The following TUSC3 variants were observed in gnomAD, a reference collection of about 807,000 sequenced individuals.
TUSC3 encodes the protein tumor suppressor candidate 3.
Under a neutral mutation model 44.8 loss-of-function variants are expected in TUSC3, and 45 were observed. That is an observed-to-expected ratio of 1.00 (90% CI 0.79 to 1.29). The LOEUF (loss-of-function observed/expected upper bound fraction) is 1.29, where lower values mean the gene tolerates loss of function less well. Ranked by LOEUF, TUSC3 falls within the 50% of genes most tolerant of loss-of-function variation. The probability of loss-of-function intolerance (pLI) is 0.00; values close to 1 mark genes in which losing one functional copy is unlikely to be tolerated. For synonymous variants in TUSC3, 212 were observed against 152.9 expected (o/e 1.39, Z -2.85); for missense variants, 519 against 437.9 (o/e 1.19, Z -1.65).
intron 1 of TUSC3, among the ~76,000 whole-genome samples, chr8:15,439,223 G>T (rs189125153): frequency 6.6e-6 from 1 of 152,180 alleles, no homozygotes; most frequent in Non-Finnish European, 1.5e-5. Flanking sequence ...GAAACCCAGT[G>T]ATGCAGTCCA....
intron 7 of TUSC3, among the ~76,000 whole-genome samples, chr8:15,736,464 C>G (rs1334097440): frequency 6.6e-6 from 1 of 152,046 alleles, no homozygotes; most frequent in East Asian, 1.9e-4. Context: ...AGAATTTGAA[C>G]TGTGGTATCA....
At chr8:15,507,476 G>A (rs1801072399) in intron 2 of TUSC3, among the ~76,000 whole-genome samples, 2 of 151,992 alleles carry the variant, frequency 1.3e-5, no homozygotes, top group Admixed American at 6.5e-5. Flanking sequence ...ACATGGAAAA[G>A]CATCTTTTTT....
At chr8:15,816,171 G>C in the TUSC3 span, among the ~76,000 whole-genome samples, 1 of 152,130 alleles carries the variant, frequency 6.6e-6, no homozygotes, top group African/African-American at 2.4e-5. Flanking sequence ...GCTTCTATAA[G>C]GCTCTGTCTT....
At chr8:15,693,441 C>CTT (rs35915071) in intron 6 of TUSC3, among the ~76,000 whole-genome samples, 24,913 of 96,840 alleles carry the variant, frequency 0.26, 3,662 homozygotes, top group Non-Finnish European at 0.31. Context: ...GTTGGAAGTT[C>CTT]TTTTTTTTTT....
intron 1 of TUSC3, among the ~76,000 whole-genome samples, chr8:15,440,376 T>A (rs559840282): frequency 1.3e-5 from 2 of 152,230 alleles, no homozygotes; most frequent in Admixed American, 6.5e-5. Flanking sequence ...AAACCCAGAA[T>A]GATTAGACAG....
intron 1 of TUSC3, among the ~76,000 whole-genome samples, chr8:15,618,295 T>G (rs1585158709): frequency 6.6e-6 from 1 of 152,214 alleles, no homozygotes; most frequent in Non-Finnish European, 1.5e-5. Flanking sequence ...TTTTAAAAGT[T>G]TTTAATTTTT....
At chr8:15,457,774 T>C (rs1399580475) in intron 1 of TUSC3, among the ~76,000 whole-genome samples, 1 of 148,002 alleles carries the variant, frequency 6.8e-6, no homozygotes, top group Non-Finnish European at 1.5e-5. Flanking sequence ...TTAGATAATC[T>C]AATAAATTAG....
At chr8:15,436,468 A>G (rs751208517) in intron 1 of TUSC3, among the ~76,000 whole-genome samples, 1 of 152,202 alleles carries the variant, frequency 6.6e-6, no homozygotes, top group Non-Finnish European at 1.5e-5. Context: ...GTTTAGACTA[A>G]CTTGATCTTC....
At chr8:15,625,057 T>C (rs1037295193) in intron 2 of TUSC3, among the ~76,000 whole-genome samples, 1 of 152,186 alleles carries the variant, frequency 6.6e-6, no homozygotes, top group Non-Finnish European at 1.5e-5. Flanking sequence ...GCTGACAGTT[T>C]TTATCATGAA....
intron 2 of TUSC3, among the ~76,000 whole-genome samples, chr8:15,499,908 C>G (rs1292475022): frequency 6.6e-6 from 1 of 152,192 alleles, no homozygotes; most frequent in Non-Finnish European, 1.5e-5. Flanking sequence ...ATTCTGTATT[C>G]TGTTTCTCTG....
Position 15,594,244 on chromosome 8 carries a change from C to T in TUSC3, c.139-28836C>T, listed in dbSNP as rs111835335. Reference sequence around the variant, plus strand: ...TCCTTCTGCTGTATTTTTTATTTCACGTGTTGTAGTTTTCATCTTTAGAAG... The same window carrying T: ...TCCTTCTGCTGTATTTTTTATTTCATGTGTTGTAGTTTTCATCTTTAGAAG... On this transcript the variant is annotated intron_variant, in intron 1 of 10. Transcript: ENST00000503731. Among the ~76,000 whole-genome samples, 364 of 152,092 alleles carry T rather than the reference C, an allele frequency of 2.4e-3. 1 individual carries two copies. The highest frequency in any genetic ancestry group is 8.1e-3 in the African/African-American group (334 of 41,490).
intron 1 of TUSC3, among the ~76,000 whole-genome samples, chr8:15,582,796 A>G (rs755819813): frequency 3.9e-5 from 6 of 152,220 alleles, no homozygotes; most frequent in Non-Finnish European, 8.8e-5. Context: ...AATCAGTTAC[A>G]GTCACTCACC....
At chr8:15,444,747 A>C (rs935486674) in intron 1 of TUSC3, among the ~76,000 whole-genome samples, 5 of 148,292 alleles carry the variant, frequency 3.4e-5, no homozygotes, top group Non-Finnish European at 7.5e-5. Flanking sequence ...TCAGAAATGT[A>C]GCATTTCTTA....
At chr8:15,456,424 T>C (rs186213123) in intron 1 of TUSC3, among the ~76,000 whole-genome samples, 1 of 152,236 alleles carries the variant, frequency 6.6e-6, no homozygotes, top group African/African-American at 2.4e-5. Flanking sequence ...ATTTAAAATG[T>C]ATTTGGAAAC....
At chr8:15,800,600 A>T in the TUSC3 span, among the ~76,000 whole-genome samples, 1 of 151,894 alleles carries the variant, frequency 6.6e-6, no homozygotes, top group African/African-American at 2.4e-5. Context: ...AAAGAAAGAA[A>T]AACATTTTCT....
chr8:15,650,907 C>G (rs1048396909), intron 3 of TUSC3, 93 bp downstream of exon 3: 4 of 1,374,256 alleles, frequency 2.9e-6, no homozygotes, highest in Non-Finnish European at 3.1e-6. Context: ...CATTCATCGT[C>G]TGAACCTGGG....
At chr8:15,593,071 A>G (rs918762425) in intron 1 of TUSC3, among the ~76,000 whole-genome samples, 4 of 152,088 alleles carry the variant, frequency 2.6e-5, no homozygotes, top group African/African-American at 9.7e-5. Flanking sequence ...TTTATTATAT[A>G]TTAATGTGCT....
the TUSC3 span, among the ~76,000 whole-genome samples, chr8:15,797,163 C>T: frequency 6.6e-6 from 1 of 152,156 alleles, no homozygotes; most frequent in Non-Finnish European, 1.5e-5. Context: ...GGAGTTAAGC[C>T]TGTGAGTTCC....
chr8:15,699,548 C>T (rs994971905), intron 6 of TUSC3, among the ~76,000 whole-genome samples: 3 of 152,148 alleles, frequency 2.0e-5, no homozygotes, highest in Admixed American at 6.5e-5. Flanking sequence ...ATGCTGTTTG[C>T]TCCAGGAAAA....
Sources: gnomAD v4.1 joint callset for allele counts (sites outside exome capture counted in the v4.1 genomes callset) on GRCh38, gnomAD v4.1.1 for gene constraint, MANE v1.5 for transcripts, NCBI Gene and HGNC (gene_info 2026-07-23, HGNC 2026-07-21) for gene names.